CDH4: variants seen among roughly 807,000 people sequenced by gnomAD.
The protein encoded by CDH4 is cadherin-4.
CDH4 carries 33 observed loss-of-function variants against 86.0 expected under a neutral mutation model. The observed-to-expected ratio is 0.38, with a 90% CI of 0.29 to 0.51. The LOEUF (loss-of-function observed/expected upper bound fraction) is 0.51, where lower values mean the gene tolerates loss of function less well. Among genes scored for constraint, CDH4 ranks in the 20% least tolerant of loss-of-function variants. The pLI, the probability that CDH4 is intolerant of heterozygous loss-of-function variation, is 0.86. For synonymous variants in CDH4, 555 were observed against 549.4 expected (o/e 1.01, Z -0.14); for missense variants, 1,114 against 1,307.4 (o/e 0.85, Z 2.28).
chr20:61,418,141 GAC>G (rs1018569069), intron 2 of CDH4, among the ~76,000 whole-genome samples: 4 of 152,176 alleles, frequency 2.6e-5, no homozygotes, highest in African/African-American at 4.8e-5. Flanking sequence ...GGTCTCAAGA[GAC>G]AGAGAAGACA....
intron 4 of CDH4, among the ~76,000 whole-genome samples, chr20:61,843,277 C>T (rs1178096201): frequency 6.6e-6 from 1 of 150,900 alleles, no homozygotes; most frequent in Admixed American, 6.6e-5. Context: ...GGTGAAACCC[C>T]GTCTCTACTA....
chr20:61,933,451 G>A (rs954882513), intron 14 of CDH4, among the ~76,000 whole-genome samples: 2 of 152,224 alleles, frequency 1.3e-5, no homozygotes, highest in African/African-American at 4.8e-5. Flanking sequence ...ATGCTGCTGT[G>A]TGCAGAGGGC....
At chr20:61,373,029 A>C (rs904017391) in intron 2 of CDH4, among the ~76,000 whole-genome samples, 1 of 152,248 alleles carries the variant, frequency 6.6e-6, no homozygotes, top group Non-Finnish European at 1.5e-5. Flanking sequence ...AGTACTTTTC[A>C]TAAAAATCCT....
At chr20:61,699,363 C>T (rs2087749292) in intron 2 of CDH4, among the ~76,000 whole-genome samples, 1 of 152,172 alleles carries the variant, frequency 6.6e-6, no homozygotes, top group South Asian at 2.1e-4. Context: ...CAGTGCAGGG[C>T]GGGCACTGGG....
chr20:61,458,877 C>T (rs557352702), intron 2 of CDH4, among the ~76,000 whole-genome samples: 1 of 152,092 alleles, frequency 6.6e-6, no homozygotes, highest in South Asian at 2.1e-4. Flanking sequence ...AATTCACGCT[C>T]TGCCCCACAC....
At chr20:61,287,341 G>A (rs575081437) in intron 2 of CDH4, among the ~76,000 whole-genome samples, 1 of 152,224 alleles carries the variant, frequency 6.6e-6, no homozygotes, top group African/African-American at 2.4e-5. Context: ...TGGGTGTGGT[G>A]GTGCACACCT....
At chr20:61,828,662 G>A (rs920495773) in intron 4 of CDH4, among the ~76,000 whole-genome samples, 2 of 152,198 alleles carry the variant, frequency 1.3e-5, no homozygotes. Flanking sequence ...CCTCCCTGTG[G>A]GAGTCCTGCA....
At chr20:61,731,825 T>C (rs1339726652) in intron 2 of CDH4, among the ~76,000 whole-genome samples, 1 of 152,136 alleles carries the variant, frequency 6.6e-6, no homozygotes, top group African/African-American at 2.4e-5. Flanking sequence ...CACCCGACTG[T>C]CACCCCCACG....
At chr20:61,534,796 T>G (rs959673004) in intron 2 of CDH4, among the ~76,000 whole-genome samples, 1 of 124,112 alleles carries the variant, frequency 8.1e-6, no homozygotes, top group African/African-American at 2.9e-5. Context: ...AGATGCCTGT[T>G]CATCCTCAAC....
intron 2 of CDH4, among the ~76,000 whole-genome samples, chr20:61,638,045 G>GAGAGGA (rs1555817366): frequency 1.2e-5 from 1 of 80,312 alleles, no homozygotes; most frequent in Non-Finnish European, 2.5e-5. Context: ...AAAAAATGAA[G>GAGAGGA]AGAGGAGAGG....
At chr20:61,347,155 A>AC (rs2084684147) in intron 2 of CDH4, among the ~76,000 whole-genome samples, 1 of 152,196 alleles carries the variant, frequency 6.6e-6, no homozygotes, top group Non-Finnish European at 1.5e-5. Context: ...GGTTCTCAGA[A>AC]CCTGACCTCT....
chr20:61,553,884 A>G (rs1015367), intron 2 of CDH4, among the ~76,000 whole-genome samples: 76,300 of 152,102 alleles, frequency 0.5, 21,791 homozygotes, highest in African/African-American at 0.79. Context: ...AAAATGAGTC[A>G]TGACTCCAGA....
intron 2 of CDH4, among the ~76,000 whole-genome samples, chr20:61,449,412 A>G (rs1025941129): frequency 6.6e-6 from 1 of 152,004 alleles, no homozygotes; most frequent in Admixed American, 6.6e-5. Flanking sequence ...CGGCAGCTCC[A>G]CTCCCTGAGT....
intron 2 of CDH4, among the ~76,000 whole-genome samples, chr20:61,624,874 C>T (rs181602214): frequency 6.4e-4 from 98 of 152,296 alleles, no homozygotes; most frequent in African/African-American, 2.0e-3. Context: ...GCCTGCCAGG[C>T]GCCCCTTGAT....
intron 2 of CDH4, among the ~76,000 whole-genome samples, chr20:61,497,878 T>TA (rs1196517477): frequency 1.1e-3 from 174 of 151,852 alleles, no homozygotes; most frequent in African/African-American, 3.8e-3. Flanking sequence ...TATTCAGCCA[T>TA]AAAAAAGGAT....
chr20:61,391,442 C>T (rs911973470), intron 2 of CDH4, among the ~76,000 whole-genome samples: 4 of 152,170 alleles, frequency 2.6e-5, no homozygotes, highest in Admixed American at 2.0e-4. Flanking sequence ...ACCACCTGCG[C>T]CCTCCGAACC....
intron 2 of CDH4, among the ~76,000 whole-genome samples, chr20:61,729,114 ACTG>A (rs59318514): frequency 0.41 from 61,524 of 151,694 alleles, 13,897 homozygotes; most frequent in South Asian, 0.59. Flanking sequence ...GCGAGCGCTG[ACTG>A]CAGCGTGTTT....
intron 2 of CDH4, among the ~76,000 whole-genome samples, chr20:61,530,566 G>T (rs1247601911): frequency 6.6e-6 from 1 of 152,170 alleles, no homozygotes; most frequent in African/African-American, 2.4e-5. Context: ...GCTCTATCAG[G>T]CTGGATGAAA....
At chr20:61,287,283 T>A (rs1166844054) in intron 2 of CDH4, among the ~76,000 whole-genome samples, 1 of 152,124 alleles carries the variant, frequency 6.6e-6, no homozygotes, top group Non-Finnish European at 1.5e-5. Context: ...CATGGCCAGC[T>A]TGGGCAACAT....
Sources: gnomAD v4.1 joint callset for allele counts (sites outside exome capture counted in the v4.1 genomes callset) on GRCh38, gnomAD v4.1.1 for gene constraint, MANE v1.5 for transcripts, NCBI Gene and HGNC (gene_info 2026-07-23, HGNC 2026-07-21) for gene names.